Variants in ZZEF1 observed in about 807,000 individuals in gnomAD.
The protein encoded by ZZEF1 is zinc finger ZZ-type and EF-hand domain containing 1, also known as zinc finger ZZ-type and EF-hand domain-containing protein 1.
In ZZEF1, 157 loss-of-function variants were observed where a neutral mutation model predicts 342.8. The ratio of observed to expected loss-of-function variants is 0.46; its 90% CI spans 0.40 to 0.52. ZZEF1 has a LOEUF of 0.52. Among genes scored for constraint, ZZEF1 ranks in the 20% least tolerant of loss-of-function variants. ZZEF1 has a pLI of 0.00. For missense variants in ZZEF1, 3,480 were observed against 3,725.6 expected (o/e 0.93, Z 1.72); for synonymous variants, 1,505 against 1,429.1 (o/e 1.05, Z -1.20).
At chr17:4,072,937 C>G in intron 24 of ZZEF1, 181 bp from the exon 25 acceptor site, 3 of 538,230 alleles carry the variant, frequency 5.6e-6, no homozygotes, top group South Asian at 6.4e-5. Flanking sequence ...TTAAGCTAAA[C>G]CACCAAGTCC....
chr17:4,011,484 T>C (rs2055955322), intron 52 of ZZEF1, among the ~76,000 whole-genome samples: 1 of 151,608 alleles, frequency 6.6e-6, no homozygotes, highest in Non-Finnish European at 1.5e-5. Flanking sequence ...GCAAGGTTGC[T>C]CAGGCAGAAA....
At position 4,095,987 on chromosome 17, in the gene ZZEF1, C is replaced by CA. The variant is rs757564587; in HGVS notation, c.1765-9dup. ...AATGCCACCACGTCGAACCTGGAAA[C>CA]AGAGATTAGGATGAAGTCTATCAAA... On this transcript the variant is annotated splice_polypyrimidine_tract_variant and intron_variant, in intron 10 of 54. Transcript: ENST00000381638. The CA allele has an allele frequency of 5.6e-6, 9 of 1,605,876 alleles. No individual in the cohort carries two copies. In the East Asian group the frequency reaches 2.0e-4, roughly 36 times the overall value.
chr17:4,071,777 G>A (rs886180050), intron 25 of ZZEF1, among the ~76,000 whole-genome samples: 4 of 152,134 alleles, frequency 2.6e-5, no homozygotes, highest in Admixed American at 2.6e-4. Flanking sequence ...ACATTTAAAT[G>A]GAAATGCCTC....
At chr17:4,039,665 A>T (rs551238711) in intron 39 of ZZEF1, among the ~76,000 whole-genome samples, 1 of 132,310 alleles carries the variant, frequency 7.6e-6, no homozygotes, top group East Asian at 2.2e-4. Flanking sequence ...TTTTTTTGAG[A>T]CAGAGTCTCA....
At chr17:4,092,519 T>TCTGACCTCAAGTC (rs956928412) in intron 11 of ZZEF1, among the ~76,000 whole-genome samples, 1 of 152,104 alleles carries the variant, frequency 6.6e-6, no homozygotes, top group Non-Finnish European at 1.5e-5. Context: ...CAGGCTGGTT[T>TCTGACCTCAAGTC]CTGACCTCAA....
Position 4,078,046 on chromosome 17 carries a change from C to T in ZZEF1, c.2830-4G>A, listed in dbSNP as rs751670429. ...CACTGAGCATTAACAGCTCGCACTA[C>T]AAGGGAGGAGACAAACAGAAAGTGT... is the stretch of plus-strand genomic sequence containing the variant. On this transcript the variant is annotated splice_polypyrimidine_tract_variant and splice_region_variant and intron_variant, in intron 18 of 54. Transcript: ENST00000381638. 3.7e-6 allele frequency: 6 copies of T among 1,611,844 alleles called. No homozygotes were observed. In the Admixed American group the frequency reaches 6.7e-5, roughly 18 times the overall value.
chr17:4,015,473 C>T (rs1220472139), intron 49 of ZZEF1, among the ~76,000 whole-genome samples: 1 of 152,186 alleles, frequency 6.6e-6, no homozygotes, highest in Non-Finnish European at 1.5e-5. Flanking sequence ...TTTTTAAAAG[C>T]GCTAATGGGG....
At chr17:4,047,924 G>A (rs755016968) in intron 37 of ZZEF1, among the ~76,000 whole-genome samples, 1 of 151,998 alleles carries the variant, frequency 6.6e-6, no homozygotes, top group African/African-American at 2.4e-5. Flanking sequence ...CTGGGCAACA[G>A]AGTGAGACCC....
intron 9 of ZZEF1, among the ~76,000 whole-genome samples, chr17:4,098,462 T>C (rs2058076554): frequency 1.3e-5 from 2 of 152,184 alleles, no homozygotes; most frequent in Non-Finnish European, 2.9e-5. Flanking sequence ...ATTAAAAGTA[T>C]GAATGTGTTC....
chr17:4,080,697 T>C (rs2057707546), intron 18 of ZZEF1, among the ~76,000 whole-genome samples: 1 of 152,198 alleles, frequency 6.6e-6, no homozygotes, highest in Non-Finnish European at 1.5e-5. Flanking sequence ...GTCCTGAATT[T>C]CTTTTTTAAA....
chr17:4,087,592 T>A, intron 13 of ZZEF1, 58 bp from the exon 14 acceptor site: 3 of 1,413,214 alleles, frequency 2.1e-6, no homozygotes, highest in Non-Finnish European at 2.9e-6. Context: ...AGAGAAATAC[T>A]GTAATGCCTC....
chr17:4,033,830 G>A, intron 40 of ZZEF1, 185 bp downstream of exon 40: 1 of 733,494 alleles, frequency 1.4e-6, no homozygotes, highest in Non-Finnish European at 2.2e-6. Context: ...TAACGTTGGT[G>A]TTAAGCACAG....
chr17:4,066,252 CA>C (rs1476541894), intron 28 of ZZEF1, among the ~76,000 whole-genome samples, 194 bp downstream of exon 28: 2 of 152,184 alleles, frequency 1.3e-5, no homozygotes, highest in Non-Finnish European at 2.9e-5. Context: ...TGGAGCAGGC[CA>C]ATAAAACATT....
chr17:4,076,764 T>C lies in ZZEF1; in HGVS notation c.3112-5A>G, dbSNP rs1385554280. The C allele has an allele frequency of 1.5e-5, 24 of 1,604,212 alleles. No homozygotes were observed. The highest frequency in any genetic ancestry group is 2.0e-5 in the Non-Finnish European group (23 of 1,175,176). On this transcript the variant is annotated splice_region_variant and splice_polypyrimidine_tract_variant and intron_variant, in intron 20 of 54. Transcript: ENST00000381638. ...GAAGTCCAGCAGGAAGATAACCTAATGGAAGATGGATGAAGCACTCAGCGT... is the reference window on the plus strand; with the variant it reads ...GAAGTCCAGCAGGAAGATAACCTAACGGAAGATGGATGAAGCACTCAGCGT...
At chr17:4,066,588 C>G in intron 27 of ZZEF1, 48 bp from the exon 28 acceptor site, 3 of 1,557,648 alleles carry the variant, frequency 1.9e-6, no homozygotes, top group Non-Finnish European at 2.7e-6. Context: ...GGCAGGGAAG[C>G]AAGGACAGCC....
rs1407279229 is a variant in ZZEF1, at chr17:4,056,389, C to T, written c.5166-44G>A. ...GAGAGAAAAGCATGCCTCTCCCAAT[C>T]ACCAAGGAAAGTACTGGTTAGCAGA... On this transcript the variant is annotated intron_variant, in intron 32 of 54. Transcript: ENST00000381638. The T allele has an allele frequency of 9.1e-6, 14 of 1,533,408 alleles. No individual in the cohort carries two copies. The South Asian group carries it at 1.6e-4, about 17-fold the overall frequency. The allele number at this position is 1,533,408 out of a possible 1,614,324, so 95.0% of individuals were successfully genotyped here.
intron 1 of ZZEF1, among the ~76,000 whole-genome samples, chr17:4,126,582 G>A (rs2058576978): frequency 6.6e-6 from 1 of 152,210 alleles, no homozygotes; most frequent in Non-Finnish European, 1.5e-5. Context: ...GTCCCATGCT[G>A]CAGGCCCAAA....
At chr17:4,051,634 T>C (rs1400458497) in intron 35 of ZZEF1, among the ~76,000 whole-genome samples, 2 of 151,872 alleles carry the variant, frequency 1.3e-5, no homozygotes, top group Non-Finnish European at 2.9e-5. Flanking sequence ...TTGGGCAGGC[T>C]GATCTCGAAC....
intron 42 of ZZEF1, among the ~76,000 whole-genome samples, chr17:4,028,924 G>GCT (rs1299110247): frequency 6.6e-6 from 1 of 152,186 alleles, no homozygotes; most frequent in Non-Finnish European, 1.5e-5. Flanking sequence ...TGCAAGAGAG[G>GCT]CTGTACGAAT....
Sources: allele counts gnomAD v4.1 joint callset (sites outside exome capture counted in the v4.1 genomes callset), GRCh38; gene constraint gnomAD v4.1.1; transcripts MANE v1.5; gene names NCBI Gene and HGNC (gene_info 2026-07-23, HGNC 2026-07-21).